SH2D6: variants seen among roughly 807,000 people sequenced by gnomAD.
SH2D6 encodes SH2 domain-containing protein 6.
Under a neutral mutation model 30.2 loss-of-function variants are expected in SH2D6, and 31 were observed. That is an observed-to-expected ratio of 1.03 (90% CI 0.77 to 1.38). The LOEUF is 1.38. SH2D6 is among the 40% of genes most tolerant of loss of function. The pLI, the probability that SH2D6 is intolerant of heterozygous loss-of-function variation, is 0.00. For missense variants in SH2D6, 240 were observed against 266.8 expected, an observed-to-expected ratio of 0.90 and a Z score of 0.70; for synonymous variants, 93 against 104.6, an observed-to-expected ratio of 0.89 and a Z score of 0.68.
Position 85,436,563 on chromosome 2 carries a change from T to C in SH2D6, c.989T>C (p.Leu330Pro), listed in dbSNP as rs1172574519. ...GGCAGCCGGGAACTCACCTGCCTGC[T>C]CTTCCCCACCAAGCCTTGAGGCCAC... ...HSGSRELTCL[L>P]FPTKP Residue 330 changes from leucine to proline, a missense_variant, in exon 23 of 24, where the codon CTC (leucine) becomes CCC (proline). Physicochemically the swap from Leu to Pro is moderately conservative, Grantham distance 98. Transcript: ENST00000469800. 4.3e-6 allele frequency: 7 copies of C among 1,613,618 alleles called. No individual in the cohort carries two copies. In the Admixed American group the frequency reaches 1.0e-4, roughly 23 times the overall value.
At position 85,435,096 on chromosome 2, in the gene SH2D6, C is replaced by T. The variant is rs755135954; in HGVS notation, c.621C>T (p.Ala207=). ...EGRKSSLPSV[A]PTGSASAAED... Reference sequence around the variant, plus strand: ...GGAAATCGTCTCTTCCCTCTGTAGCCCCCACTGGGAGTGCCTCAGCTGCTG... The same window carrying T: ...GGAAATCGTCTCTTCCCTCTGTAGCTCCCACTGGGAGTGCCTCAGCTGCTG... Residue 207 remains alanine, a synonymous_variant, in exon 20 of 24, where the codon GCC becomes GCT. Transcript: ENST00000469800. 8.3e-6 allele frequency: 13 copies of T among 1,560,706 alleles called. No homozygotes were observed. The highest frequency in any genetic ancestry group is 1.4e-5 in the African/African-American group (1 of 72,948).
At chr2:85,427,103 C>T (rs1688116370) in intron 6 of SH2D6, among the ~76,000 whole-genome samples, 1 of 152,214 alleles carries the variant, frequency 6.6e-6, no homozygotes, top group Non-Finnish European at 1.5e-5. Context: ...TATCTAAACA[C>T]CACTGTGTGT....
intron 13 of SH2D6, 29 bp from the exon 14 acceptor site, chr2:85,431,870 T>C (rs56017561): frequency 0.35 from 52,876 of 152,592 alleles, 10,063 homozygotes; most frequent in Non-Finnish European, 0.44. Context: ...TCTCACCATC[T>C]GCGCTCACCA....
At chr2:85,423,167 C>T (rs1468635282) in intron 5 of SH2D6, among the ~76,000 whole-genome samples, 6 of 151,732 alleles carry the variant, frequency 4.0e-5, no homozygotes, top group African/African-American at 1.5e-4. Flanking sequence ...GGACTACAGG[C>T]GTGAGCCCCT....
intron 6 of SH2D6, among the ~76,000 whole-genome samples, chr2:85,426,274 G>GT (rs1558749445): frequency 6.6e-6 from 1 of 152,126 alleles, no homozygotes; most frequent in African/African-American, 2.4e-5. Flanking sequence ...ATGACCTCAA[G>GT]TATTTCTTCC....
Position 85,435,163 on chromosome 2 carries a change from G to A in SH2D6, c.648+40G>A, listed in dbSNP as rs200709271. 241 of 1,590,462 alleles carry A rather than the reference G, an allele frequency of 1.5e-4. 1 individual carries two copies. Among genetic ancestry groups the A allele is most frequent in the East Asian group, 4.5e-4 (20 of 44,638 alleles). ...GGAGCAGGCTGTAGGGAGAGGTTCC[G>A]GGAGCAGAGCCTGAGAGTCCTTACC... is the stretch of plus-strand genomic sequence containing the variant. On this transcript the variant is annotated intron_variant, in intron 20 of 23. Transcript: ENST00000469800.
intron 2 of SH2D6, among the ~76,000 whole-genome samples, chr2:85,420,081 A>G (rs944101203): frequency 6.6e-6 from 1 of 151,844 alleles, no homozygotes; most frequent in Non-Finnish European, 1.5e-5. Context: ...CTTTAATAAG[A>G]GCCCGTTCTG....
chr2:85,435,120 T>G lies in SH2D6; in HGVS notation c.645T>G (p.Ala215=). ...SVAPTGSASA[A]EDSDLLTQPW... Reference sequence around the variant, plus strand: ...CCCCCACTGGGAGTGCCTCAGCTGCTGAGGTGAGGAGGGGCTGGGAGCAGG... The same window carrying G: ...CCCCCACTGGGAGTGCCTCAGCTGCGGAGGTGAGGAGGGGCTGGGAGCAGG... Residue 215 remains alanine, a synonymous_variant, in exon 20 of 24, where the codon GCT becomes GCG. Transcript: ENST00000469800. The G allele has an allele frequency of 1.9e-6, 3 of 1,580,956 alleles. No individual in the cohort carries two copies. Among genetic ancestry groups the G allele is most frequent in the Non-Finnish European group, 2.6e-6 (3 of 1,159,936 alleles).
chr2:85,426,304 C>T (rs114870866), intron 6 of SH2D6, among the ~76,000 whole-genome samples: 1,734 of 152,288 alleles, frequency 0.011, 41 homozygotes, highest in African/African-American at 0.04. Context: ...TTTTCGTCCA[C>T]GGTTCCAGGC....
chr2:85,427,127 A>T (rs1009774303), intron 6 of SH2D6, among the ~76,000 whole-genome samples: 2 of 152,200 alleles, frequency 1.3e-5, no homozygotes, highest in African/African-American at 4.8e-5. Flanking sequence ...CTGAGGGTGG[A>T]TTAAGACTAC....
Position 85,434,121 on chromosome 2 carries a change from C to T in SH2D6, c.533+10C>T. On this transcript the variant is annotated intron_variant, in intron 17 of 23. Coordinates refer to ENST00000469800, the MANE Select transcript of SH2D6 (RefSeq NM_001394463.1). The stretch of plus-strand genomic sequence containing the variant: ...CATCAGTGGTGCCCAGGTAAGTGCC[C>T]CACCAGGTGTGCACCTGTGTGTATG... 6.5e-7 allele frequency: 1 copy of T among 1,550,248 alleles called. No homozygotes were observed. Among genetic ancestry groups the T allele is most frequent in the South Asian group, 1.2e-5 (1 of 84,058 alleles).
Position 85,434,036 on chromosome 2 carries a change from T to C in SH2D6, c.458T>C (p.Leu153Pro), listed in dbSNP as rs1288384798. 1 of 1,550,432 alleles carries C rather than the reference T, an allele frequency of 6.4e-7. No individual in the cohort carries two copies. The highest frequency in any genetic ancestry group is 2.4e-5 in the East Asian group (1 of 40,922). ...LYLECEPDPV[L>P]ALTQTLSFQV... ...AGCCTGCCCCTCCCTGTTTCAGTCC[T>C]GGCTTTGACTCAGACTCTCAGCTTC... is the stretch of plus-strand genomic sequence containing the variant. Residue 153 changes from leucine to proline, a missense_variant, in exon 17 of 24, where the codon CTG (leucine) becomes CCG (proline). Physicochemically the swap from Leu to Pro is moderately conservative, Grantham distance 98. Coordinates refer to ENST00000469800, the MANE Select transcript of SH2D6 (RefSeq NM_001394463.1).
At position 85,421,627 on chromosome 2, in the gene SH2D6, A is replaced by G. The variant is rs536474140; in HGVS notation, c.-576-576A>G. 1.3e-5 allele frequency: 2 copies of G among 152,360 alleles called. 1 individual carries two copies. The highest frequency in any genetic ancestry group is 4.1e-4 in the South Asian group (2 of 4,826). 9.4% of individuals were successfully genotyped at this position (152,360 alleles called of 1,614,324 possible). The stretch of plus-strand genomic sequence containing the variant: ...GTGGCTGCCCATTTACATAGCGTGC[A>G]GTCGAGTGTGGGAGTTTACAGTCTA... On this transcript the variant is annotated intron_variant, in intron 2 of 23. Transcript: ENST00000469800.
At position 85,434,676 on chromosome 2, in the gene SH2D6, C is replaced by T. The variant is rs1377073871; in HGVS notation, c.589+179C>T. Reference sequence around the variant, plus strand: ...CATCTTCAGCATGAATGCAGGTGGTCCTGCCAGGGCCTGCCCCAGCCCCAG... The same window carrying T: ...CATCTTCAGCATGAATGCAGGTGGTTCTGCCAGGGCCTGCCCCAGCCCCAG... On this transcript the variant is annotated intron_variant, in intron 19 of 23. Transcript: ENST00000469800. 37 of 1,319,842 alleles carry T rather than the reference C, an allele frequency of 2.8e-5. No individual in the cohort carries two copies. In the East Asian group the frequency reaches 9.1e-4, roughly 32 times the overall value. The allele number at this position is 1,319,842 out of a possible 1,614,324, so 81.8% of individuals were successfully genotyped here.
At chr2:85,435,851 A>G in intron 22 of SH2D6, 27 bp downstream of exon 22, 7 of 1,556,216 alleles carry the variant, frequency 4.5e-6, no homozygotes, top group Non-Finnish European at 6.1e-6. Flanking sequence ...GCAGGGGCCT[A>G]AGGAGGGACC....
At chr2:85,425,278 T>C (rs1377766059) in intron 5 of SH2D6, 30 bp from the exon 6 acceptor site, 1 of 116,236 alleles carries the variant, frequency 8.6e-6, no homozygotes, top group Non-Finnish European at 1.8e-5. Flanking sequence ...TTTTTTTTTT[T>C]TGAGACTGTG....
chr2:85,435,806 G>A lies in SH2D6; in HGVS notation c.873G>A (p.Glu291=). 1 of 1,597,428 alleles carries A rather than the reference G, an allele frequency of 6.3e-7. No homozygotes were observed. The highest frequency in any genetic ancestry group is 8.5e-7 in the Non-Finnish European group (1 of 1,172,066). ...GACGCCACTATGCCCTGGGCCGGGA[G>A]GGCAGGAACCGTGAGGAGGTGGGAG... The part of the protein sequence containing the change: ...DGGRHYALGR[E]GRNREELFSS... The change falls in exon 22 of 24, where the codon GAG becomes GAA. Residue 291 remains glutamate (E), a synonymous_variant. Transcript: ENST00000469800.
chr2:85,422,758 G>A (rs1301263825), intron 5 of SH2D6, 68 bp downstream of exon 5: 1 of 152,452 alleles, frequency 6.6e-6, no homozygotes, highest in Non-Finnish European at 1.5e-5. Flanking sequence ...CTGGGACACT[G>A]TGCCCTAGAG....
intron 19 of SH2D6, 58 bp from the exon 20 acceptor site, chr2:85,435,007 C>G (rs1203545531): frequency 6.5e-7 from 1 of 1,531,348 alleles, no homozygotes; most frequent in South Asian, 1.2e-5. Context: ...TAGAAGCCAC[C>G]TTTGCCCACC....
Sources: gnomAD v4.1 joint callset for allele counts (sites outside exome capture counted in the v4.1 genomes callset) on GRCh38, gnomAD v4.1.1 for gene constraint, MANE v1.5 for transcripts, NCBI Gene and HGNC (gene_info 2026-07-23, HGNC 2026-07-21) for gene names.